BTBD10: variants seen among roughly 807,000 people sequenced by gnomAD.
BTBD10 encodes the protein BTB domain containing 10.
BTBD10 carries 21 observed loss-of-function variants against 53.2 expected under a neutral mutation model. That is an observed-to-expected ratio of 0.39 (90% confidence interval 0.28 to 0.57). The LOEUF (loss-of-function observed/expected upper bound fraction) is 0.57. Among genes scored for constraint, BTBD10 ranks in the 20% least tolerant of loss-of-function variants. The pLI is 0.53. For missense variants in BTBD10, 360 were observed against 594.7 expected, an observed-to-expected ratio of 0.61 and a Z score of 4.10; for synonymous variants, 149 against 192.7, an observed-to-expected ratio of 0.77 and a Z score of 1.88.
chr11:13,417,823 A>C (rs1415980367), intron 4 of BTBD10, among the ~76,000 whole-genome samples: 1 of 152,214 alleles, frequency 6.6e-6, no homozygotes, highest in Non-Finnish European at 1.5e-5. Context: ...CAAGCAATCA[A>C]ATGCTGGGAT....
At chr11:13,430,974 T>TATACACAC (rs1555026667) in intron 2 of BTBD10, among the ~76,000 whole-genome samples, 2,793 of 144,474 alleles carry the variant, frequency 0.019, 83 homozygotes, top group African/African-American at 0.068. Flanking sequence ...TGGAGATACA[T>TATACACAC]ACACACACAC....
chr11:13,402,812 A>G (rs117636546), intron 8 of BTBD10, among the ~76,000 whole-genome samples: 386 of 152,326 alleles, frequency 2.5e-3, no homozygotes, highest in Non-Finnish European at 4.3e-3. Flanking sequence ...TTGGGCTTCA[A>G]TGATCACTAC....
intron 1 of BTBD10, among the ~76,000 whole-genome samples, chr11:13,458,540 C>T (rs1355255824): frequency 6.6e-6 from 1 of 152,210 alleles, no homozygotes; most frequent in Non-Finnish European, 1.5e-5. Context: ...CTAGTCTCAG[C>T]TGTCTTACTG....
At chr11:13,428,292 G>C (rs1216163221) in intron 2 of BTBD10, among the ~76,000 whole-genome samples, 1 of 152,090 alleles carries the variant, frequency 6.6e-6, no homozygotes, top group Non-Finnish European at 1.5e-5. Flanking sequence ...TTAATTTGTA[G>C]TTTAAAACAT....
chr11:13,403,618 C>T (rs1035332911), intron 7 of BTBD10, among the ~76,000 whole-genome samples: 4 of 152,162 alleles, frequency 2.6e-5, no homozygotes, highest in African/African-American at 7.2e-5. Flanking sequence ...ATATCAATAT[C>T]GCATCATTAT....
In BTBD10 at chr11:13,397,245, C is replaced by G. The variant is rs1949577458; in HGVS notation, c.1117+5923G>C. Among the ~76,000 whole-genome samples, 5 of 152,288 alleles carry G rather than the reference C, an allele frequency of 3.3e-5. No homozygotes were observed. In the South Asian group the frequency reaches 1.0e-3, roughly 32 times the overall value. On this transcript the variant is annotated intron_variant, in intron 8 of 8. Coordinates refer to ENST00000278174, the MANE Select transcript of BTBD10 (RefSeq NM_032320.7). ...CCTGTTATTGGTCTATTCAGAGATT[C>G]AACTTCTTCCTGGTTTAGTCTTGGG... is the stretch of plus-strand genomic sequence containing the variant.
At chr11:13,435,394 A>G (rs951103614) in intron 2 of BTBD10, among the ~76,000 whole-genome samples, 1 of 152,218 alleles carries the variant, frequency 6.6e-6, no homozygotes, top group East Asian at 1.9e-4. Flanking sequence ...TTTAAAAAAT[A>G]TAATTTTTTT....
At position 13,398,757 on chromosome 11, in the gene BTBD10, G is replaced by C. The variant is rs535853441; in HGVS notation, c.1117+4411C>G. 3.2e-3 allele frequency among the ~76,000 whole-genome samples: 489 copies of C among 152,204 alleles called. 4 individuals carry two copies. The highest frequency in any genetic ancestry group is 0.011 in the African/African-American group (447 of 41,536). On this transcript the variant is annotated intron_variant, in intron 8 of 8. Coordinates refer to ENST00000278174, the MANE Select transcript of BTBD10 (RefSeq NM_032320.7). ...GGCCTGGTGGTGACAAAATCTCTCA[G>C]CATTTGCTTGTCTGTAAAGGATTTT...
intron 1 of BTBD10, among the ~76,000 whole-genome samples, chr11:13,462,261 C>G (rs1387930849): frequency 6.6e-6 from 1 of 152,108 alleles, no homozygotes; most frequent in Non-Finnish European, 1.5e-5. Flanking sequence ...CAATTAATAT[C>G]CTGTGCTGTT....
At chr11:13,442,673 T>C (rs181119425) in intron 2 of BTBD10, among the ~76,000 whole-genome samples, 1 of 152,302 alleles carries the variant, frequency 6.6e-6, no homozygotes, top group East Asian at 1.9e-4. Context: ...CTCATTACCA[T>C]AGTTTAAGTG....
intron 2 of BTBD10, among the ~76,000 whole-genome samples, chr11:13,444,289 A>G (rs988612468): frequency 1.3e-5 from 2 of 151,548 alleles, no homozygotes; most frequent in East Asian, 3.9e-4. Flanking sequence ...ATATTCAAGT[A>G]AGTTAAATGC....
chr11:13,432,624 G>A lies in BTBD10; in HGVS notation c.102-10786C>T, dbSNP rs552487989. On this transcript the variant is annotated intron_variant, in intron 2 of 8. Coordinates refer to ENST00000278174, the MANE Select transcript of BTBD10 (RefSeq NM_032320.7). ...TGGAGACAAAAAAACACACAAAACT[G>A]TAATAAATTCAGTAACATAAAAAAT... Among the ~76,000 whole-genome samples, 268 of 151,832 alleles carry A rather than the reference G, an allele frequency of 1.8e-3. 2 individuals carry two copies. The highest frequency in any genetic ancestry group is 1.4e-3 in the Non-Finnish European group (98 of 67,932).
intron 6 of BTBD10, among the ~76,000 whole-genome samples, chr11:13,412,455 AAACAACAACAAC>A (rs199920209): frequency 1.3e-5 from 2 of 151,928 alleles, no homozygotes; most frequent in Admixed American, 1.3e-4. Context: ...TCCATCTCAA[AAACAACAACAAC>A]AACAACAACA....
chr11:13,418,120 T>C (rs930899145), intron 4 of BTBD10, among the ~76,000 whole-genome samples: 1 of 152,100 alleles, frequency 6.6e-6, no homozygotes, highest in Non-Finnish European at 1.5e-5. Flanking sequence ...CTAATTCAAA[T>C]AGTTTTCTCT....
At chr11:13,430,723 C>T (rs763769723) in intron 2 of BTBD10, among the ~76,000 whole-genome samples, 22 of 152,004 alleles carry the variant, frequency 1.4e-4, no homozygotes, top group South Asian at 4.1e-4. Flanking sequence ...ACACAAGTTA[C>T]GACATGAATC....
At chr11:13,448,636 G>A (rs780459833) in intron 1 of BTBD10, among the ~76,000 whole-genome samples, 1 of 151,942 alleles carries the variant, frequency 6.6e-6, no homozygotes, top group Non-Finnish European at 1.5e-5. Context: ...TCATTCATAC[G>A]AGTGCTGCCT....
At chr11:13,440,278 G>A (rs1024290476) in intron 2 of BTBD10, 1 of 1,191,188 alleles carries the variant, frequency 8.4e-7, no homozygotes, top group Non-Finnish European at 1.1e-6. Flanking sequence ...ACAGCATCGT[G>A]TGAGCTGTGA....
At chr11:13,449,714 G>A (rs1950819125) in intron 1 of BTBD10, among the ~76,000 whole-genome samples, 2 of 152,156 alleles carry the variant, frequency 1.3e-5, no homozygotes, top group South Asian at 4.1e-4. Context: ...GTAGCATGAG[G>A]CAAGGGCCTT....
At chr11:13,400,020 C>A (rs190339543) in intron 8 of BTBD10, among the ~76,000 whole-genome samples, 2 of 152,210 alleles carry the variant, frequency 1.3e-5, no homozygotes, top group African/African-American at 4.8e-5. Flanking sequence ...AGGCAGTCTG[C>A]CCGTTCTCAG....
Sources: gnomAD v4.1 joint callset for allele counts (sites outside exome capture counted in the v4.1 genomes callset) on GRCh38, gnomAD v4.1.1 for gene constraint, MANE v1.5 for transcripts, NCBI Gene and HGNC (gene_info 2026-07-23, HGNC 2026-07-21) for gene names.